Variants in WWOX observed in about 807,000 individuals in gnomAD.
WWOX encodes the protein WW domain containing oxidoreductase, also known as WW domain-containing oxidoreductase.
A neutral mutation model predicts 46.2 loss-of-function variants in WWOX; 69 were observed. The ratio of observed to expected loss-of-function variants is 1.49; its 90% CI spans 1.23 to 1.82. The LOEUF (loss-of-function observed/expected upper bound fraction) is 1.82. Ranked by LOEUF, WWOX falls within the 40% of genes most tolerant of loss-of-function variation. The probability of loss-of-function intolerance (pLI) is 0.00; values close to 1 mark genes in which losing one functional copy is unlikely to be tolerated. For synonymous variants in WWOX, 359 were observed against 202.6 expected, an observed-to-expected ratio of 1.77 and a Z score of -6.56; for missense variants, 919 against 542.6, an observed-to-expected ratio of 1.69 and a Z score of -6.89.
intron 8 of WWOX, among the ~76,000 whole-genome samples, chr16:78,599,752 C>T (rs1420224482): frequency 6.6e-6 from 1 of 152,008 alleles, no homozygotes; most frequent in Non-Finnish European, 1.5e-5. Context: ...AATTGTTACC[C>T]CCGGGAGACT....
At position 78,276,413 on chromosome 16, in the gene WWOX, A is replaced by G. The variant is rs114775771; in HGVS notation, c.517-110447A>G. On this transcript the variant is annotated intron_variant, in intron 5 of 8. Transcript: ENST00000566780. The stretch of plus-strand genomic sequence containing the variant: ...AATTATAACCCAAGCGACACATACA[A>G]TTTAATCAGGCACTGTGTGTCCACA... Among the ~76,000 whole-genome samples the G allele has an allele frequency of 6.5e-3, 986 of 152,310 alleles. 7 individuals carry two copies. The highest frequency in any genetic ancestry group is 0.022 in the African/African-American group (932 of 41,572).
intron 8 of WWOX, among the ~76,000 whole-genome samples, chr16:78,520,373 A>T (rs1382743057): frequency 6.6e-6 from 1 of 152,158 alleles, no homozygotes; most frequent in Non-Finnish European, 1.5e-5. Context: ...TCACAGTATT[A>T]ATTGATTTTC....
rs1267525276 is a variant in WWOX at position 78,459,749 on chromosome 16, G to C, written c.1056+26997G>C. Among the ~76,000 whole-genome samples, 5 of 152,144 alleles carry C rather than the reference G, an allele frequency of 3.3e-5. No homozygotes were observed. The East Asian group carries it at 5.8e-4, about 18-fold the overall frequency. On this transcript the variant is annotated intron_variant, in intron 8 of 8. Transcript: ENST00000566780. ...AGTGACATGTTTGCATTTACATTCA[G>C]CCTGAAGGCCTACTTGATGCTGCAA...
intron 4 of WWOX, among the ~76,000 whole-genome samples, chr16:78,119,432 C>A (rs2032979749): frequency 6.6e-6 from 1 of 151,702 alleles, no homozygotes; most frequent in African/African-American, 2.4e-5. Context: ...TGCAGGCTGA[C>A]ATGTTGCTCA....
At chr16:78,600,492 G>A (rs529291310) in intron 8 of WWOX, among the ~76,000 whole-genome samples, 9 of 152,136 alleles carry the variant, frequency 5.9e-5, no homozygotes, top group Non-Finnish European at 7.4e-5. Flanking sequence ...CCAACCCTCC[G>A]TGGGTTAAAG....
intron 8 of WWOX, among the ~76,000 whole-genome samples, chr16:78,665,363 A>G (rs552677979): frequency 6.6e-6 from 1 of 152,308 alleles, no homozygotes; most frequent in South Asian, 2.1e-4. Context: ...GAATTTGAAT[A>G]TAACTATTAA....
intron 8 of WWOX, among the ~76,000 whole-genome samples, chr16:78,643,348 C>G (rs1328075858): frequency 1.3e-5 from 2 of 152,126 alleles, no homozygotes; most frequent in Admixed American, 6.5e-5. Flanking sequence ...AGTAATGAAA[C>G]TGAGGCTTCT....
intron 8 of WWOX, chr16:78,981,870 C>G (rs573616861): frequency 2.6e-4 from 39 of 152,352 alleles, no homozygotes; most frequent in African/African-American, 9.1e-4. Context: ...CCTGTGTCCA[C>G]TTTGCCAGGT....
chr16:78,688,364 T>C (rs1362802480), intron 8 of WWOX, among the ~76,000 whole-genome samples: 2 of 136,204 alleles, frequency 1.5e-5, no homozygotes, highest in Non-Finnish European at 3.2e-5. Flanking sequence ...CTATATCAGT[T>C]ACTTTAAAAA....
chr16:78,603,569 C>T (rs2859498), intron 8 of WWOX, among the ~76,000 whole-genome samples: 16,572 of 152,080 alleles, frequency 0.11, 1,117 homozygotes, highest in East Asian at 0.22. Flanking sequence ...TGGCAGCCAC[C>T]TGTAGTCCCA....
chr16:78,547,568 A>G (rs1567636059), intron 8 of WWOX, among the ~76,000 whole-genome samples: 1 of 152,180 alleles, frequency 6.6e-6, no homozygotes. Context: ...TGGCTACTAT[A>G]ACAAAATATC....
chr16:78,218,818 A>G (rs933328137), intron 5 of WWOX, among the ~76,000 whole-genome samples: 1 of 152,264 alleles, frequency 6.6e-6, no homozygotes, highest in South Asian at 2.1e-4. Flanking sequence ...CTGTAGGGAC[A>G]GTGATTTTTA....
At chr16:78,494,767 C>A (rs1233532625) in intron 8 of WWOX, among the ~76,000 whole-genome samples, 1 of 152,150 alleles carries the variant, frequency 6.6e-6, no homozygotes, top group African/African-American at 2.4e-5. Flanking sequence ...CAATTAGCTC[C>A]TCCCCCCATC....
intron 4 of WWOX, among the ~76,000 whole-genome samples, chr16:78,130,533 G>A (rs1255541391): frequency 1.3e-5 from 2 of 152,192 alleles, no homozygotes; most frequent in African/African-American, 4.8e-5. Context: ...GTCTATCAAG[G>A]AACATAGTTG....
rs1428611663 is a variant in WWOX, at chr16:78,261,772, G to GTA, written c.516+97485_516+97486dup. 3.8e-4 allele frequency among the ~76,000 whole-genome samples: 50 copies of GTA among 130,008 alleles called. 1 individual carries two copies. The highest frequency in any genetic ancestry group is 5.9e-4 in the Non-Finnish European group (36 of 61,256). 85.3% of individuals were successfully genotyped at this position (130,008 alleles called of 152,430 possible). On this transcript the variant is annotated intron_variant, in intron 5 of 8. Coordinates refer to ENST00000566780, the MANE Select transcript of WWOX (RefSeq NM_016373.4). ...TGTGTCTGTCTATCTATCTATCTATGTATCTATCTATCTATCTATATATAT... is the reference window on the plus strand; with the variant it reads ...TGTGTCTGTCTATCTATCTATCTATGTATATCTATCTATCTATCTATATATAT...
At chr16:78,319,831 G>T (rs546984811) in intron 5 of WWOX, among the ~76,000 whole-genome samples, 8 of 152,218 alleles carry the variant, frequency 5.3e-5, no homozygotes, top group Admixed American at 5.2e-4. Flanking sequence ...AGCCTGTGAG[G>T]AAGCAAAACT....
At chr16:78,593,671 T>C (rs1428582126) in intron 8 of WWOX, among the ~76,000 whole-genome samples, 1 of 151,996 alleles carries the variant, frequency 6.6e-6, no homozygotes, top group South Asian at 2.1e-4. Flanking sequence ...CTGGTGATCC[T>C]GCTGCTTGGC....
chr16:78,636,612 T>G (rs888724472), intron 8 of WWOX, among the ~76,000 whole-genome samples: 3 of 152,182 alleles, frequency 2.0e-5, no homozygotes. Context: ...TGGGAACTTT[T>G]AAAACTGATA....
intron 8 of WWOX, among the ~76,000 whole-genome samples, chr16:78,477,019 TTAAA>T (rs1350642728): frequency 6.6e-6 from 1 of 152,246 alleles, no homozygotes; most frequent in East Asian, 1.9e-4. Context: ...TTGTTGGTAA[TTAAA>T]TAAATTATTT....
Sources: allele counts gnomAD v4.1 joint callset (sites outside exome capture counted in the v4.1 genomes callset), GRCh38; gene constraint gnomAD v4.1.1; transcripts MANE v1.5; gene names NCBI Gene and HGNC (gene_info 2026-07-23, HGNC 2026-07-21).